LARGE1: variants seen among roughly 807,000 people sequenced by gnomAD.
The protein encoded by LARGE1 is LARGE xylosyl- and glucuronyltransferase 1.
A neutral mutation model predicts 87.6 loss-of-function variants in LARGE1; 43 were observed. The observed-to-expected ratio is 0.49, with a 90% confidence interval of 0.38 to 0.63. The LOEUF is 0.63. Ranked by LOEUF, LARGE1 falls within the 30% of genes least tolerant of loss-of-function variation. The pLI is 0.00. For missense variants in LARGE1, 802 were observed against 1,000.2 expected (o/e 0.80, Z 2.67); for synonymous variants, 434 against 394.6 (o/e 1.10, Z -1.18).
chr22:33,621,762 C>A (rs915644385), intron 4 of LARGE1, among the ~76,000 whole-genome samples: 12 of 152,100 alleles, frequency 7.9e-5, no homozygotes, highest in African/African-American at 2.7e-4. Context: ...AGAATCATTC[C>A]CATTTGTATA....
At chr22:33,518,202 T>C (rs1446374670) in intron 6 of LARGE1, among the ~76,000 whole-genome samples, 1 of 152,262 alleles carries the variant, frequency 6.6e-6, no homozygotes, top group Non-Finnish European at 1.5e-5. Flanking sequence ...GGAACTCATC[T>C]GTGTGTCACA....
At chr22:33,129,866 TG>T in the LARGE1 span, among the ~76,000 whole-genome samples, 2 of 152,324 alleles carry the variant, frequency 1.3e-5, no homozygotes, top group Admixed American at 1.3e-4. Flanking sequence ...TACCTCCACC[TG>T]GTCCAACCTT....
the LARGE1 span, among the ~76,000 whole-genome samples, chr22:33,127,344 G>C: frequency 6.8e-6 from 1 of 146,488 alleles, no homozygotes; most frequent in Non-Finnish European, 1.5e-5. Flanking sequence ...GAGAGTGTGT[G>C]TCTCAATGGG....
chr22:33,767,063 C>T (rs2084930818), intron 1 of LARGE1, among the ~76,000 whole-genome samples: 1 of 150,970 alleles, frequency 6.6e-6, no homozygotes, highest in Non-Finnish European at 1.5e-5. Context: ...CCTGTAATCT[C>T]AGCACTTTGG....
intron 11 of LARGE1, among the ~76,000 whole-genome samples, chr22:33,312,198 C>T (rs916333242): frequency 6.6e-6 from 1 of 152,138 alleles, no homozygotes; most frequent in Admixed American, 6.5e-5. Context: ...AAGTGATGCA[C>T]TTTGGGAGGC....
chr22:33,849,400 GATACGA>G (rs543940155), intron 1 of LARGE1, among the ~76,000 whole-genome samples: 1 of 152,042 alleles, frequency 6.6e-6, no homozygotes, highest in East Asian at 1.9e-4. Flanking sequence ...TATCTCAGAG[GATACGA>G]ATGCTATAGG....
intron 5 of LARGE1, among the ~76,000 whole-genome samples, chr22:33,591,871 T>TTAAATTAAA (rs1483826659): frequency 6.7e-6 from 1 of 149,744 alleles, no homozygotes; most frequent in African/African-American, 2.5e-5. Context: ...TTTTTTTTTT[T>TTAAATTAAA]TTAAATTAGC....
At chr22:33,595,736 T>A (rs1336382599) in intron 5 of LARGE1, among the ~76,000 whole-genome samples, 2 of 152,202 alleles carry the variant, frequency 1.3e-5, no homozygotes, top group Non-Finnish European at 2.9e-5. Flanking sequence ...GAGGCCAGGA[T>A]TGGCCAGATT....
chr22:33,251,755 T>C (rs991712038), intron 11 of LARGE1, among the ~76,000 whole-genome samples: 3 of 152,236 alleles, frequency 2.0e-5, no homozygotes, highest in Admixed American at 1.3e-4. Flanking sequence ...ACTTTGGTGA[T>C]GGAAATTTGC....
At chr22:33,088,868 G>A in the LARGE1 span, among the ~76,000 whole-genome samples, 1 of 152,136 alleles carries the variant, frequency 6.6e-6, no homozygotes, top group African/African-American at 2.4e-5. Flanking sequence ...ATAATAGTGG[G>A]TCCTATTTCA....
chr22:33,382,757 G>A (rs910289567), intron 8 of LARGE1, among the ~76,000 whole-genome samples: 1 of 152,128 alleles, frequency 6.6e-6, no homozygotes, highest in Non-Finnish European at 1.5e-5. Flanking sequence ...TACTGGACAT[G>A]GGCATACAAT....
chr22:33,846,644 T>C (rs555692147), intron 1 of LARGE1, among the ~76,000 whole-genome samples: 3 of 152,296 alleles, frequency 2.0e-5, no homozygotes, highest in Admixed American at 1.3e-4. Flanking sequence ...GAATTCTTTT[T>C]CTCAGCAAGG....
chr22:33,810,610 C>T (rs2086461855), intron 1 of LARGE1, among the ~76,000 whole-genome samples: 1 of 152,178 alleles, frequency 6.6e-6, no homozygotes, highest in African/African-American at 2.4e-5. Context: ...ATCTTAAGGA[C>T]TAGCAAGAGT....
chr22:33,848,837 C>G (rs1050424096), intron 1 of LARGE1, among the ~76,000 whole-genome samples: 1 of 152,182 alleles, frequency 6.6e-6, no homozygotes, highest in Admixed American at 6.5e-5. Context: ...TCCCGAGATG[C>G]CTCTTCGGGT....
intron 7 of LARGE1, among the ~76,000 whole-genome samples, chr22:33,394,221 CAG>C (rs1157975879): frequency 4.0e-5 from 5 of 125,928 alleles, no homozygotes; most frequent in Non-Finnish European, 6.4e-5. Context: ...TTTTTTGAGA[CAG>C]AGTCTCGCTC....
chr22:33,832,618 G>C (rs779119728), intron 1 of LARGE1, among the ~76,000 whole-genome samples: 3 of 152,214 alleles, frequency 2.0e-5, no homozygotes, highest in Non-Finnish European at 2.9e-5. Context: ...CAGAGGGCTC[G>C]GAATCAGCTG....
chr22:33,820,559 T>C (rs1001457178), intron 1 of LARGE1, among the ~76,000 whole-genome samples: 38 of 152,100 alleles, frequency 2.5e-4, no homozygotes, highest in Admixed American at 2.0e-4. Flanking sequence ...ACTTCTGGCC[T>C]CAAGCAATCC....
intron 6 of LARGE1, among the ~76,000 whole-genome samples, chr22:33,559,461 C>T (rs1183816041): frequency 3.9e-5 from 6 of 152,228 alleles, no homozygotes; most frequent in African/African-American, 7.2e-5. Flanking sequence ...GGATTACAAA[C>T]GTGAGCCACC....
At chr22:33,505,459 G>A (rs1411819297) in intron 6 of LARGE1, among the ~76,000 whole-genome samples, 1 of 152,196 alleles carries the variant, frequency 6.6e-6, no homozygotes, top group Non-Finnish European at 1.5e-5. Flanking sequence ...GGCAGAGACT[G>A]GGCTCGTTTC....
Sources: allele counts gnomAD v4.1 joint callset (sites outside exome capture counted in the v4.1 genomes callset), GRCh38; gene constraint gnomAD v4.1.1; transcripts MANE v1.5; gene names NCBI Gene and HGNC (gene_info 2026-07-23, HGNC 2026-07-21).